Variants in NRG3 observed in about 807,000 individuals in gnomAD.
NRG3 encodes the protein neuregulin 3.
A neutral mutation model predicts 66.9 loss-of-function variants in NRG3; 31 were observed. The observed-to-expected ratio is 0.46, with a 90% CI of 0.35 to 0.63. The LOEUF (loss-of-function observed/expected upper bound fraction) is 0.63, where lower values mean the gene tolerates loss of function less well. Among genes scored for constraint, NRG3 ranks in the 20% least tolerant of loss-of-function variants. The pLI, the probability that NRG3 is intolerant of heterozygous loss-of-function variation, is 0.00. For synonymous variants in NRG3, 393 were observed against 359.4 expected (o/e 1.09, Z -1.06); for missense variants, 910 against 878.9 (o/e 1.04, Z -0.45).
chr10:82,963,575 G>A (rs1385837419), intron 6 of NRG3, among the ~76,000 whole-genome samples: 2 of 152,178 alleles, frequency 1.3e-5, no homozygotes, highest in Admixed American at 1.3e-4. Flanking sequence ...AGCTACTTGG[G>A]AGGCTGAGGC....
chr10:82,340,076 A>G (rs948833381), intron 1 of NRG3, among the ~76,000 whole-genome samples: 3 of 152,082 alleles, frequency 2.0e-5, no homozygotes, highest in Non-Finnish European at 4.4e-5. Flanking sequence ...ACTTCTCTTG[A>G]TTGACTTTGT....
intron 2 of NRG3, among the ~76,000 whole-genome samples, chr10:82,613,753 T>C (rs2048459090): frequency 6.6e-6 from 1 of 151,718 alleles, no homozygotes; most frequent in South Asian, 2.1e-4. Flanking sequence ...TAGTTACGTA[T>C]GTATACATGT....
chr10:82,462,550 G>A (rs374690204), intron 2 of NRG3, among the ~76,000 whole-genome samples: 4 of 152,268 alleles, frequency 2.6e-5, no homozygotes, highest in Admixed American at 2.6e-4. Context: ...CAGTGATGGG[G>A]TGAAGAGATT....
At chr10:82,949,379 G>A (rs181069523) in intron 4 of NRG3, among the ~76,000 whole-genome samples, 1 of 151,684 alleles carries the variant, frequency 6.6e-6, no homozygotes, top group African/African-American at 2.4e-5. Flanking sequence ...GATAATACTG[G>A]CATCATAAAA....
chr10:82,079,756 A>C (rs1004446275), intron 1 of NRG3, among the ~76,000 whole-genome samples: 2 of 152,154 alleles, frequency 1.3e-5, no homozygotes, highest in African/African-American at 4.8e-5. Flanking sequence ...TTCACTTAGC[A>C]ATATGCATTT....
At chr10:82,267,643 A>G (rs189247802) in intron 1 of NRG3, among the ~76,000 whole-genome samples, 1 of 152,334 alleles carries the variant, frequency 6.6e-6, no homozygotes, top group Admixed American at 6.5e-5. Flanking sequence ...GTCAATCCAG[A>G]AATAAACCAC....
intron 2 of NRG3, among the ~76,000 whole-genome samples, chr10:82,392,705 A>G (rs1180038963): frequency 6.6e-6 from 1 of 152,152 alleles, no homozygotes; most frequent in Non-Finnish European, 1.5e-5. Flanking sequence ...ATCACTTTAT[A>G]TTATGGAGAC....
intron 4 of NRG3, among the ~76,000 whole-genome samples, chr10:82,892,665 CAATA>C (rs369613241): frequency 0.071 from 10,421 of 146,526 alleles, 495 homozygotes; most frequent in African/African-American, 0.14. Flanking sequence ...TAACCTGTCT[CAATA>C]AATAAATAAA....
At chr10:82,621,298 C>T (rs2049022995) in intron 2 of NRG3, among the ~76,000 whole-genome samples, 1 of 152,184 alleles carries the variant, frequency 6.6e-6, no homozygotes, top group Non-Finnish European at 1.5e-5. Context: ...GGGCCTGTCT[C>T]ATCTTCTCCT....
chr10:82,504,605 G>A (rs1844504871), intron 2 of NRG3, among the ~76,000 whole-genome samples: 1 of 152,166 alleles, frequency 6.6e-6, no homozygotes, highest in African/African-American at 2.4e-5. Flanking sequence ...CCCCACAGGT[G>A]TTTGTCTGAT....
rs2089545754 is a variant in NRG3, at chr10:82,427,871, A to G, written c.953+69003A>G. ...TATTGTAGGAGGTTTTAAAATTACT[A>G]AACTGATTTTATTTATTTGCTATAT... On this transcript the variant is annotated intron_variant, in intron 2 of 8. Transcript: ENST00000372141. 4.6e-5 allele frequency among the ~76,000 whole-genome samples: 7 copies of G among 152,170 alleles called. No individual in the cohort carries two copies. In the South Asian group the frequency reaches 1.5e-3, roughly 32 times the overall value.
chr10:82,513,482 C>A (rs1590417736), intron 2 of NRG3, among the ~76,000 whole-genome samples: 1 of 152,120 alleles, frequency 6.6e-6, no homozygotes, highest in African/African-American at 2.4e-5. Flanking sequence ...TAATAGGATT[C>A]CTGGGTCAAA....
intron 1 of NRG3, among the ~76,000 whole-genome samples, chr10:82,042,246 A>T (rs1165363701): frequency 1.3e-5 from 2 of 152,020 alleles, no homozygotes; most frequent in Non-Finnish European, 2.9e-5. Context: ...ATTGGATATT[A>T]TTTGTTTTTG....
At chr10:82,229,237 A>C (rs1251044356) in intron 1 of NRG3, 2 of 152,220 alleles carry the variant, frequency 1.3e-5, no homozygotes, top group Non-Finnish European at 2.9e-5. Context: ...AATAATTAGA[A>C]TAGAAAGCAG....
At chr10:82,372,970 G>A (rs1318011057) in intron 2 of NRG3, among the ~76,000 whole-genome samples, 5 of 152,184 alleles carry the variant, frequency 3.3e-5, no homozygotes, top group African/African-American at 1.2e-4. Context: ...ATCCACTTAA[G>A]GATGCGTTGA....
intron 1 of NRG3, among the ~76,000 whole-genome samples, chr10:81,997,965 A>G (rs1272727987): frequency 6.6e-6 from 1 of 151,286 alleles, no homozygotes; most frequent in Non-Finnish European, 1.5e-5. Flanking sequence ...CATTATTTCC[A>G]GTACCTCTGA....
At chr10:82,495,675 G>A (rs1242623097) in intron 2 of NRG3, among the ~76,000 whole-genome samples, 1 of 152,056 alleles carries the variant, frequency 6.6e-6, no homozygotes, top group Non-Finnish European at 1.5e-5. Flanking sequence ...CAAAATTACA[G>A]TTAAAAGGTC....
intron 3 of NRG3, among the ~76,000 whole-genome samples, chr10:82,740,312 T>TTACA (rs1467805039): frequency 1.3e-5 from 2 of 151,602 alleles, no homozygotes; most frequent in African/African-American, 4.9e-5. Flanking sequence ...TCAGTACAGG[T>TTACA]TACAAAGGGC....
At chr10:82,959,344 A>G (rs1362692190) in intron 6 of NRG3, among the ~76,000 whole-genome samples, 1 of 152,218 alleles carries the variant, frequency 6.6e-6, no homozygotes, top group Non-Finnish European at 1.5e-5. Context: ...TTTTTGTCCC[A>G]TGAACACTTG....
Sources: allele counts gnomAD v4.1 joint callset (sites outside exome capture counted in the v4.1 genomes callset), GRCh38; gene constraint gnomAD v4.1.1; transcripts MANE v1.5; gene names NCBI Gene and HGNC (gene_info 2026-07-23, HGNC 2026-07-21).